TMEM117: variants seen among roughly 807,000 people sequenced by gnomAD.
The protein encoded by TMEM117 is transmembrane protein 117.
Under a neutral mutation model 52.4 loss-of-function variants are expected in TMEM117, and 27 were observed. That is an observed-to-expected ratio of 0.51 (90% confidence interval 0.38 to 0.71). The LOEUF is 0.71. Among genes scored for constraint, TMEM117 ranks in the 30% least tolerant of loss-of-function variants. The probability of loss-of-function intolerance (pLI) is 0.00; values close to 1 mark genes in which losing one functional copy is unlikely to be tolerated. For missense variants in TMEM117, 556 were observed against 630.5 expected (o/e 0.88, Z 1.26); for synonymous variants, 215 against 206.3 (o/e 1.04, Z -0.36).
intron 3 of TMEM117, among the ~76,000 whole-genome samples, chr12:43,969,972 C>T (rs1003333911): frequency 1.3e-5 from 2 of 152,266 alleles, no homozygotes; most frequent in Admixed American, 1.3e-4. Flanking sequence ...TGTGGCCAAC[C>T]ATGATCTGAG....
intron 5 of TMEM117, among the ~76,000 whole-genome samples, chr12:44,245,547 T>A (rs1592636488): frequency 1.4e-5 from 2 of 146,720 alleles, no homozygotes; most frequent in African/African-American, 5.5e-5. Flanking sequence ...TGATTTTATG[T>A]CCTGCAACTT....
At chr12:43,972,899 A>G (rs761916120) in intron 3 of TMEM117, among the ~76,000 whole-genome samples, 5 of 152,202 alleles carry the variant, frequency 3.3e-5, no homozygotes, top group South Asian at 2.1e-4. Context: ...TCTCATTTGC[A>G]TATCTTTCAG....
intron 3 of TMEM117, among the ~76,000 whole-genome samples, chr12:43,975,288 C>G (rs1945654398): frequency 6.6e-6 from 1 of 152,020 alleles, no homozygotes; most frequent in Admixed American, 6.6e-5. Flanking sequence ...TTCTGTGTGC[C>G]CTTGACTCTA....
At chr12:44,046,396 C>T (rs1210578199) in intron 3 of TMEM117, among the ~76,000 whole-genome samples, 1 of 152,182 alleles carries the variant, frequency 6.6e-6, no homozygotes, top group African/African-American at 2.4e-5. Flanking sequence ...TCTACCACTC[C>T]ATATTGGAGG....
chr12:44,182,622 A>G (rs1391458007), intron 4 of TMEM117, among the ~76,000 whole-genome samples: 3 of 152,234 alleles, frequency 2.0e-5, no homozygotes, highest in Non-Finnish European at 2.9e-5. Flanking sequence ...CTGACATCTT[A>G]TCATGTCTCT....
intron 6 of TMEM117, among the ~76,000 whole-genome samples, chr12:44,321,738 C>T (rs1405388643): frequency 6.6e-6 from 1 of 152,134 alleles, no homozygotes; most frequent in African/African-American, 2.4e-5. Flanking sequence ...AAATCTTGAG[C>T]TCAGTCATAG....
chr12:43,977,683 G>GAC (rs1229342353), intron 3 of TMEM117, among the ~76,000 whole-genome samples: 3 of 152,080 alleles, frequency 2.0e-5, no homozygotes, highest in African/African-American at 7.2e-5. Context: ...GAGTGGAATG[G>GAC]ACACATTCTA....
At chr12:44,357,792 C>G (rs556793496) in intron 6 of TMEM117, among the ~76,000 whole-genome samples, 4 of 152,204 alleles carry the variant, frequency 2.6e-5, no homozygotes, top group Admixed American at 1.3e-4. Flanking sequence ...ATAGAACTAC[C>G]ATTTGACCCA....
intron 3 of TMEM117, among the ~76,000 whole-genome samples, chr12:43,948,502 TCAC>T (rs1372893384): frequency 6.6e-6 from 1 of 152,084 alleles, no homozygotes; most frequent in Non-Finnish European, 1.5e-5. Context: ...AGACGGGGTT[TCAC>T]CGTATTAGCC....
chr12:44,023,618 GTCT>G (rs2137840875), intron 3 of TMEM117, among the ~76,000 whole-genome samples: 1 of 152,142 alleles, frequency 6.6e-6, no homozygotes, highest in South Asian at 2.1e-4. Context: ...CTGCATAAAT[GTCT>G]TCTTTTGAGA....
chr12:44,149,595 T>C (rs1948693218), intron 4 of TMEM117, among the ~76,000 whole-genome samples: 1 of 152,238 alleles, frequency 6.6e-6, no homozygotes, highest in African/African-American at 2.4e-5. Flanking sequence ...TTATTTTCAT[T>C]TTATCAAGTT....
intron 6 of TMEM117, among the ~76,000 whole-genome samples, chr12:44,340,609 A>C (rs1475405520): frequency 1.3e-5 from 2 of 152,002 alleles, no homozygotes; most frequent in Admixed American, 1.3e-4. Context: ...ATGCCAAACC[A>C]TCTAACTACT....
intron 5 of TMEM117, among the ~76,000 whole-genome samples, chr12:44,234,465 T>C (rs2138461307): frequency 6.6e-6 from 1 of 151,478 alleles, no homozygotes; most frequent in Non-Finnish European, 1.5e-5. Context: ...CATTCATTCC[T>C]AATATTGGTT....
intron 5 of TMEM117, among the ~76,000 whole-genome samples, chr12:44,255,035 C>T (rs1950243473): frequency 6.6e-6 from 1 of 152,150 alleles, no homozygotes; most frequent in South Asian, 2.1e-4. Flanking sequence ...ATATATGCCA[C>T]ATTTTCTTAA....
At chr12:44,165,129 T>C (rs1948948391) in intron 4 of TMEM117, among the ~76,000 whole-genome samples, 1 of 152,160 alleles carries the variant, frequency 6.6e-6, no homozygotes, top group African/African-American at 2.4e-5. Flanking sequence ...TTCTACTCTC[T>C]ACCTTCATGA....
chr12:44,309,940 T>G (rs1950952853), intron 6 of TMEM117, among the ~76,000 whole-genome samples: 1 of 152,222 alleles, frequency 6.6e-6, no homozygotes, highest in African/African-American at 2.4e-5. Flanking sequence ...GGAACACTCT[T>G]GCAATAGACT....
intron 2 of TMEM117, among the ~76,000 whole-genome samples, chr12:43,913,253 C>G (rs1306559255): frequency 6.6e-6 from 1 of 152,146 alleles, no homozygotes; most frequent in East Asian, 1.9e-4. Flanking sequence ...ACCTATCAAG[C>G]TCTAAATCCT....
intron 5 of TMEM117, among the ~76,000 whole-genome samples, chr12:44,238,956 G>C (rs189988678): frequency 6.6e-6 from 1 of 152,192 alleles, no homozygotes; most frequent in East Asian, 1.9e-4. Context: ...TCTGCCTGAA[G>C]TTGCTTTAGA....
intron 5 of TMEM117, among the ~76,000 whole-genome samples, chr12:44,287,738 G>T (rs1195848772): frequency 6.6e-6 from 1 of 152,160 alleles, no homozygotes; most frequent in Non-Finnish European, 1.5e-5. Flanking sequence ...GACAAAAACT[G>T]TCATGAGTCA....
Sources: allele counts gnomAD v4.1 joint callset (sites outside exome capture counted in the v4.1 genomes callset), GRCh38; gene constraint gnomAD v4.1.1; transcripts MANE v1.5; gene names NCBI Gene and HGNC (gene_info 2026-07-23, HGNC 2026-07-21).